The following ARHGEF4 variants were observed in gnomAD, a reference collection of about 807,000 sequenced individuals.
The protein encoded by ARHGEF4 is Rho guanine nucleotide exchange factor 4, also known as APC-stimulated guanine nucleotide exchange factor 1.
A neutral mutation model predicts 162.0 loss-of-function variants in ARHGEF4; 119 were observed. The observed-to-expected ratio is 0.73, with a 90% CI of 0.63 to 0.86. The LOEUF is 0.86. Ranked by LOEUF, ARHGEF4 falls within the 40% of genes least tolerant of loss-of-function variation. The pLI is 0.00. For synonymous variants in ARHGEF4, 1,014 were observed against 979.9 expected, an observed-to-expected ratio of 1.03 and a Z score of -0.65; for missense variants, 2,488 against 2,456.0, an observed-to-expected ratio of 1.01 and a Z score of -0.28.
chr2:131,041,993 T>C, intron 10 of ARHGEF4, 49 bp downstream of exon 10: 2 of 1,582,520 alleles, frequency 1.3e-6, no homozygotes, highest in Non-Finnish European at 1.7e-6. Context: ...GGCCCCTCGC[T>C]TTAAAATCAT....
chr2:130,971,189 C>G (rs1469907929), intron 4 of ARHGEF4, among the ~76,000 whole-genome samples: 1 of 152,088 alleles, frequency 6.6e-6, no homozygotes, highest in Admixed American at 6.6e-5. Context: ...CCATTAATTT[C>G]CTTTGTACCT....
At chr2:130,845,705 G>A (rs1465187506) in intron 1 of ARHGEF4, among the ~76,000 whole-genome samples, 1 of 152,178 alleles carries the variant, frequency 6.6e-6, no homozygotes, top group African/African-American at 2.4e-5. Context: ...GTCTGCCTCT[G>A]TGTGAGGACT....
chr2:130,942,691 G>A (rs1217101737), intron 3 of ARHGEF4, among the ~76,000 whole-genome samples: 1 of 152,170 alleles, frequency 6.6e-6, no homozygotes, highest in East Asian at 1.9e-4. Flanking sequence ...TTTTATTTTG[G>A]AAGTGTGTTA....
chr2:130,871,642 T>C (rs1678496363), intron 1 of ARHGEF4, among the ~76,000 whole-genome samples: 1 of 150,898 alleles, frequency 6.6e-6, no homozygotes, highest in Non-Finnish European at 1.5e-5. Flanking sequence ...GGAAAAAAAA[T>C]CTAACTTTAT....
At position 130,914,650 on chromosome 2, in the gene ARHGEF4, G is replaced by A; in HGVS notation, c.704G>A (p.Cys235Tyr). 1.4e-6 allele frequency: 2 copies of A among 1,388,662 alleles called. No individual in the cohort carries two copies. The highest frequency in any genetic ancestry group is 1.9e-6 in the Non-Finnish European group (2 of 1,078,176). 86.0% of individuals were successfully genotyped at this position (1,388,662 alleles called of 1,614,324 possible). ...PVVWPFLLWC[C>Y]ELGRSWPHIH... ...GTCTGGCCCTTCCTTCTCTGGTGCT[G>A]TGAACTGGGTCGGAGTTGGCCACAT... Residue 235 changes from cysteine (C) to tyrosine (Y), a missense_variant, in exon 2 of 14, where the codon TGT becomes TAT. Physicochemically the swap from Cys to Tyr is radical, Grantham distance 194 (BLOSUM62 -2). Transcript: ENST00000409359.
chr2:131,026,782 C>T lies in ARHGEF4; in HGVS notation c.3986-1163C>T, dbSNP rs114468269. The stretch of plus-strand genomic sequence containing the variant: ...GATGTGGAGGGATGGAACATTCTTG[C>T]GCCGCTTTCAGGTTCTGGGAAACTA... On this transcript the variant is annotated intron_variant, in intron 4 of 13. Transcript: ENST00000409359. 6.4e-3 allele frequency among the ~76,000 whole-genome samples: 974 copies of T among 152,250 alleles called. 8 individuals are homozygous for T. Among genetic ancestry groups the T allele is most frequent in the African/African-American group, 0.021 (890 of 41,544 alleles).
chr2:130,977,457 G>C (rs769876194), intron 4 of ARHGEF4, among the ~76,000 whole-genome samples: 40 of 152,002 alleles, frequency 2.6e-4, no homozygotes, highest in East Asian at 1.2e-3. Flanking sequence ...GCGTGTGTGT[G>C]TAGTGTTTAT....
chr2:130,977,931 G>A (rs972477141), intron 4 of ARHGEF4, among the ~76,000 whole-genome samples: 9 of 152,272 alleles, frequency 5.9e-5, no homozygotes, highest in South Asian at 2.1e-4. Context: ...CCATCTCCCT[G>A]ACCAACTAAA....
At chr2:131,024,559 G>A (rs1689349584) in intron 4 of ARHGEF4, among the ~76,000 whole-genome samples, 1 of 152,292 alleles carries the variant, frequency 6.6e-6, no homozygotes, top group East Asian at 1.9e-4. Context: ...GCAGGCGTGA[G>A]CCACCGCACC....
At chr2:131,040,572 T>G (rs779724616) in intron 8 of ARHGEF4, 132 bp downstream of exon 8, 4 of 1,032,462 alleles carry the variant, frequency 3.9e-6, no homozygotes, top group Non-Finnish European at 5.5e-6. Flanking sequence ...GCCCTCTATC[T>G]GCCCCGCTGC....
intron 4 of ARHGEF4, among the ~76,000 whole-genome samples, chr2:130,987,201 T>C (rs1022876183): frequency 3.9e-5 from 6 of 152,204 alleles, no homozygotes; most frequent in African/African-American, 1.4e-4. Context: ...GAGCTGGCTC[T>C]GGAAGGAGGA....
At chr2:130,988,911 G>T (rs1336183434) in intron 4 of ARHGEF4, among the ~76,000 whole-genome samples, 35 of 143,968 alleles carry the variant, frequency 2.4e-4, no homozygotes, top group Admixed American at 1.0e-3. Context: ...TAGAGAGAGA[G>T]AGAGAGAGAG....
At chr2:130,989,443 G>T (rs1477200223) in intron 4 of ARHGEF4, among the ~76,000 whole-genome samples, 1 of 152,040 alleles carries the variant, frequency 6.6e-6, no homozygotes, top group Admixed American at 6.6e-5. Context: ...GAGCTGTTGT[G>T]TTTATGTTAG....
At chr2:131,027,911 GC>G (rs747990096) in intron 4 of ARHGEF4, 33 bp from the exon 5 acceptor site, 1 of 1,611,746 alleles carries the variant, frequency 6.2e-7, no homozygotes, top group South Asian at 1.1e-5. Flanking sequence ...TCCCAGCCCA[GC>G]CCCCTTTGCC....
chr2:130,948,957 T>C (rs1263510924), intron 4 of ARHGEF4, among the ~76,000 whole-genome samples: 2 of 124,894 alleles, frequency 1.6e-5, no homozygotes, highest in African/African-American at 4.2e-5. Flanking sequence ...AACTGATCTG[T>C]TCCTGACTTT....
intron 9 of ARHGEF4, 127 bp downstream of exon 9, chr2:131,041,589 C>A: frequency 8.9e-7 from 1 of 1,128,492 alleles, no homozygotes; most frequent in Non-Finnish European, 1.2e-6. Flanking sequence ...CTAGCCCTGT[C>A]CTGATGAGCT....
intron 1 of ARHGEF4, among the ~76,000 whole-genome samples, chr2:130,846,481 C>T (rs1336291502): frequency 6.6e-6 from 1 of 152,228 alleles, no homozygotes; most frequent in African/African-American, 2.4e-5. Flanking sequence ...GGCCAGCGCC[C>T]TCACTCCAGG....
chr2:130,973,069 CA>C (rs1685468212), intron 4 of ARHGEF4, among the ~76,000 whole-genome samples: 1 of 152,240 alleles, frequency 6.6e-6, no homozygotes, highest in Non-Finnish European at 1.5e-5. Context: ...AAGTCTAGAG[CA>C]AGCTCTAAAC....
intron 5 of ARHGEF4, among the ~76,000 whole-genome samples, chr2:131,028,444 C>T (rs1168128087): frequency 6.6e-6 from 1 of 152,216 alleles, no homozygotes; most frequent in East Asian, 1.9e-4. Flanking sequence ...CAGCCCCTGA[C>T]CCCCCAACCA....
Sources: allele counts gnomAD v4.1 joint callset (sites outside exome capture counted in the v4.1 genomes callset), GRCh38; gene constraint gnomAD v4.1.1; transcripts MANE v1.5; gene names NCBI Gene and HGNC (gene_info 2026-07-23, HGNC 2026-07-21).